Variants in DYNLL2 observed in about 807,000 individuals in gnomAD.
DYNLL2 encodes the protein dynein light chain 2, cytoplasmic.
DYNLL2 carries 1 observed loss-of-function variant against 9.7 expected under a neutral mutation model. The observed-to-expected ratio is 0.10, with a 90% CI of 0.04 to 0.49. The LOEUF (loss-of-function observed/expected upper bound fraction) is 0.49. Ranked by LOEUF, DYNLL2 falls within the 20% of genes least tolerant of loss-of-function variation. DYNLL2 has a pLI of 0.95. For missense variants in DYNLL2, 37 were observed against 115.2 expected, an observed-to-expected ratio of 0.32 and a Z score of 3.11; for synonymous variants, 35 against 40.5, an observed-to-expected ratio of 0.86 and a Z score of 0.52.
At chr17:58,083,933 A>T (rs1049064597) in intron 1 of DYNLL2, among the ~76,000 whole-genome samples, 62 of 149,776 alleles carry the variant, frequency 4.1e-4, no homozygotes, top group African/African-American at 1.4e-3. Flanking sequence ...GCGCTGCTGG[A>T]GGCCCGGGCT....
chr17:58,083,458 A>AGCGGGCGGGCGGGCGAGCGGGCGG lies in DYNLL2; in HGVS notation c.-220_-219insAGCGGGCGGGCGGGCGGGCGGGCG, dbSNP rs2075742414. 7.6e-6 allele frequency: 1 copy of AGCGGGCGGGCGGGCGAGCGGGCGG among 131,832 alleles called. No homozygotes were observed. Among genetic ancestry groups the AGCGGGCGGGCGGGCGAGCGGGCGG allele is most frequent in the African/African-American group, 2.8e-5 (1 of 35,502 alleles). The allele number at this position is 131,832 out of a possible 1,614,324, so 8.2% of individuals were successfully genotyped here. A position where few individuals can be genotyped will look rare whatever the true frequency, so the allele number is the denominator to read the frequency against. ...GCGGAGCTGTGAGGCGCCAGTGCGGAGCGGGCGGGCGGGCGGGCGGCGTGA... is the reference window on the plus strand; with the variant it reads ...GCGGAGCTGTGAGGCGCCAGTGCGGAGCGGGCGGGCGGGCGAGCGGGCGGGCGGGCGGGCGGGCGGGCGGCGTGA... On this transcript the variant is annotated 5_prime_UTR_variant, in exon 1 of 3. Coordinates refer to ENST00000579991, the MANE Select transcript of DYNLL2 (RefSeq NM_080677.3).
intron 1 of DYNLL2, among the ~76,000 whole-genome samples, chr17:58,086,049 G>A (rs1487949905): frequency 1.3e-5 from 2 of 152,152 alleles, no homozygotes; most frequent in African/African-American, 4.8e-5. Flanking sequence ...GAGGAGAGTG[G>A]GGAAGCAGAG....
rs2075771660 is a variant in DYNLL2, at chr17:58,089,320, C to T, written c.*41C>T. On this transcript the variant is annotated 3_prime_UTR_variant, in exon 3 of 3. Coordinates refer to ENST00000579991, the MANE Select transcript of DYNLL2 (RefSeq NM_080677.3). ...GTGTCAGTGGCGGCGGCAGCGATGG[C>T]AAGCAGGCGGCGTTGCTGGGACTGT... The T allele has an allele frequency of 6.2e-7, 1 of 1,605,446 alleles. No homozygotes were observed. The highest frequency in any genetic ancestry group is 1.7e-5 in the Admixed American group (1 of 58,262).
At chr17:58,087,256 G>C (rs764571377) in intron 2 of DYNLL2, 34 bp downstream of exon 2, 1 of 1,610,584 alleles carries the variant, frequency 6.2e-7, no homozygotes, top group East Asian at 2.2e-5. Flanking sequence ...ATGGCCAGGG[G>C]TGGGGATCGA....
Position 58,089,784 on chromosome 17 carries a change from G to T in DYNLL2, c.*505G>T, listed in dbSNP as rs1358674761. 3.5e-5 allele frequency: 14 copies of T among 399,924 alleles called. No individual in the cohort carries two copies. Among genetic ancestry groups the T allele is most frequent in the Non-Finnish European group, 5.7e-5 (13 of 227,264 alleles). 24.8% of individuals were successfully genotyped at this position (399,924 alleles called of 1,614,324 possible). ...GGGTAGGAAGGAAGGTGGAGGGATT[G>T]ATCTAGTACCAGGGAGAATATTCCA... On this transcript the variant is annotated 3_prime_UTR_variant, in exon 3 of 3. Transcript: ENST00000579991.
intron 1 of DYNLL2, among the ~76,000 whole-genome samples, chr17:58,084,049 C>T (rs1476643796): frequency 5.3e-5 from 8 of 152,090 alleles, no homozygotes; most frequent in Non-Finnish European, 4.4e-5. Flanking sequence ...GGGCGTGACG[C>T]GGCTCCTCCT....
Position 58,092,056 on chromosome 17 carries a change from C to T in DYNLL2, c.*2777C>T, listed in dbSNP as rs1471574100. ...TGTGTTATCAAGGAAATGAACTGGG[C>T]AATGAGCTATTGAGTGTTGGAGGTA... On this transcript the variant is annotated 3_prime_UTR_variant, in exon 3 of 3. Coordinates refer to ENST00000579991, the MANE Select transcript of DYNLL2 (RefSeq NM_080677.3). 4 of 152,134 alleles carry T rather than the reference C, an allele frequency of 2.6e-5. No homozygotes were observed. The highest frequency in any genetic ancestry group is 6.5e-5 in the Admixed American group (1 of 15,268). 9.4% of individuals were successfully genotyped at this position (152,134 alleles called of 1,614,324 possible). A position where few individuals can be genotyped will look rare whatever the true frequency, so the allele number is the denominator to read the frequency against.
Position 58,087,188 on chromosome 17 carries a change from A to G in DYNLL2, c.98A>G (p.Asn33Ser), listed in dbSNP as rs377336906. Residue 33 changes from asparagine (N) to serine (S), a missense_variant, in exon 2 of 3, where the codon AAT (asparagine) becomes AGT (serine). By Grantham distance (46) the Asn-to-Ser change is conservative. Coordinates refer to ENST00000579991, the MANE Select transcript of DYNLL2 (RefSeq NM_080677.3). ...DCATQAMEKY[N>S]IEKDIAAYIK... ...GCCACGCAGGCCATGGAGAAGTACAATATAGAGAAGGACATTGCTGCCTAT... is the reference window on the plus strand; with the variant it reads ...GCCACGCAGGCCATGGAGAAGTACAGTATAGAGAAGGACATTGCTGCCTAT... 2 of 1,614,194 alleles carry G rather than the reference A, an allele frequency of 1.2e-6. No individual in the cohort carries two copies. The highest frequency in any genetic ancestry group is 2.2e-5 in the East Asian group (1 of 44,890).
chr17:58,085,132 T>G (rs1288960456), intron 1 of DYNLL2, among the ~76,000 whole-genome samples: 2 of 152,182 alleles, frequency 1.3e-5, no homozygotes, highest in African/African-American at 2.4e-5. Context: ...TGACTTTTCC[T>G]CTCCAGAATG....
intron 2 of DYNLL2, 33 bp downstream of exon 2, chr17:58,087,255 G>C: frequency 6.2e-7 from 1 of 1,610,446 alleles, no homozygotes; most frequent in South Asian, 1.1e-5. Context: ...GATGGCCAGG[G>C]GTGGGGATCG....
At chr17:58,089,070 A>G in intron 2 of DYNLL2, 72 bp from the exon 3 acceptor site, 2 of 1,575,752 alleles carry the variant, frequency 1.3e-6, no homozygotes, top group Non-Finnish European at 1.7e-6. Flanking sequence ...TTGCAGGGAG[A>G]GACTCCCATT....
Position 58,091,380 on chromosome 17 carries a change from T to C in DYNLL2, c.*2101T>C, listed in dbSNP as rs925987961. 3 of 151,874 alleles carry C rather than the reference T, an allele frequency of 2.0e-5. No individual in the cohort carries two copies. The highest frequency in any genetic ancestry group is 2.1e-4 in the South Asian group (1 of 4,802). The allele number at this position is 151,874 out of a possible 1,614,324, so 9.4% of individuals were successfully genotyped here. A position where few individuals can be genotyped will look rare whatever the true frequency, so the allele number is the denominator to read the frequency against. On this transcript the variant is annotated 3_prime_UTR_variant, in exon 3 of 3. Transcript: ENST00000579991. ...ACTGATTGGCCTGTAGCAGCACTTATTTGTGCCTAGGCTTATGCCCCTTAA... is the reference window on the plus strand; with the variant it reads ...ACTGATTGGCCTGTAGCAGCACTTACTTGTGCCTAGGCTTATGCCCCTTAA...
In DYNLL2 at chr17:58,089,655, G is replaced by A. The variant is rs887876702; in HGVS notation, c.*376G>A. 1.9e-5 allele frequency: 8 copies of A among 420,170 alleles called. No homozygotes were observed. Among genetic ancestry groups the A allele is most frequent in the Non-Finnish European group, 2.9e-5 (7 of 242,010 alleles). 26.0% of individuals were successfully genotyped at this position (420,170 alleles called of 1,614,324 possible). A position where few individuals can be genotyped will look rare whatever the true frequency, so the allele number is the denominator to read the frequency against. Reference sequence around the variant, plus strand: ...TGAGGAAAAGAAATAGGTCTCTGGAGGTGGAACTAAAACTGTGCAGCTGCC... The same window carrying A: ...TGAGGAAAAGAAATAGGTCTCTGGAAGTGGAACTAAAACTGTGCAGCTGCC... On this transcript the variant is annotated 3_prime_UTR_variant, in exon 3 of 3. Coordinates refer to ENST00000579991, the MANE Select transcript of DYNLL2 (RefSeq NM_080677.3).
rs138296164 is a variant in DYNLL2 at position 58,092,801 on chromosome 17, T to C, written c.*3522T>C. ...TTGTTGCTGTGGCACTGTCGATCTC[T>C]GTTCCCTGAACTCTAGTGTCCTCCA... On this transcript the variant is annotated 3_prime_UTR_variant, in exon 3 of 3. Transcript: ENST00000579991. The C allele has an allele frequency of 2.0e-5, 3 of 152,390 alleles. No homozygotes were observed. The highest frequency in any genetic ancestry group is 7.2e-5 in the African/African-American group (3 of 41,590). The allele number at this position is 152,390 out of a possible 1,614,324, so 9.4% of individuals were successfully genotyped here.
chr17:58,092,370 G>T lies in DYNLL2; in HGVS notation c.*3091G>T, dbSNP rs892969608. The T allele has an allele frequency of 6.6e-6, 1 of 152,222 alleles. No homozygotes were observed. Among genetic ancestry groups the T allele is most frequent in the Non-Finnish European group, 1.5e-5 (1 of 68,056 alleles). 9.4% of individuals were successfully genotyped at this position (152,222 alleles called of 1,614,324 possible). ...TGGCATCTGTGAACAACACATTCCT[G>T]CACAGGTAGGTGCACAGTGCTCATC... On this transcript the variant is annotated 3_prime_UTR_variant, in exon 3 of 3. Coordinates refer to ENST00000579991, the MANE Select transcript of DYNLL2 (RefSeq NM_080677.3).
At chr17:58,087,247 T>C (rs1270696905) in intron 2 of DYNLL2, 25 bp downstream of exon 2, 1 of 1,611,390 alleles carries the variant, frequency 6.2e-7, no homozygotes, top group Non-Finnish European at 8.5e-7. Context: ...CTGGGACTGA[T>C]GGCCAGGGGT....
rs576040368 is a variant in DYNLL2, at chr17:58,086,242, G to A, written c.-9-840G>A. Among the ~76,000 whole-genome samples, 8 of 152,316 alleles carry A rather than the reference G, an allele frequency of 5.3e-5. 1 individual carries two copies. In the East Asian group the frequency reaches 9.6e-4, roughly 18 times the overall value. ...TGGAATAGGGCCTGTATAGGGCAGG[G>A]GTTGGCAGCATTTTTCTGTGAAGGG... On this transcript the variant is annotated intron_variant, in intron 1 of 2. Transcript: ENST00000579991.
intron 2 of DYNLL2, among the ~76,000 whole-genome samples, chr17:58,088,188 G>A (rs2075767370): frequency 1.3e-5 from 2 of 152,168 alleles, no homozygotes; most frequent in South Asian, 4.1e-4. Context: ...CAGATTTTCT[G>A]GTCTGCGCTC....
rs773553224 is a variant in DYNLL2, at chr17:58,087,219, G to A, written c.129G>A (p.Lys43=). The change falls in exon 2 of 3, where the codon AAG becomes AAA. Residue 43 remains lysine, a synonymous_variant. Coordinates refer to ENST00000579991, the MANE Select transcript of DYNLL2 (RefSeq NM_080677.3). ...NIEKDIAAYI[K]KEFDKKYNPT... Reference sequence around the variant, plus strand: ...AGAAGGACATTGCTGCCTATATCAAGAAGGTGTGCTGGGAGAGCTGGGACT... The same window carrying A: ...AGAAGGACATTGCTGCCTATATCAAAAAGGTGTGCTGGGAGAGCTGGGACT... The A allele has an allele frequency of 1.2e-6, 2 of 1,614,100 alleles. No individual in the cohort carries two copies. Among genetic ancestry groups the A allele is most frequent in the Admixed American group, 1.7e-5 (1 of 60,016 alleles).
Sources: gnomAD v4.1 joint callset for allele counts (sites outside exome capture counted in the v4.1 genomes callset) on GRCh38, gnomAD v4.1.1 for gene constraint, MANE v1.5 for transcripts, NCBI Gene and HGNC (gene_info 2026-07-23, HGNC 2026-07-21) for gene names.